Variants in TRHDE observed in about 807,000 individuals in gnomAD.
TRHDE encodes the protein thyrotropin-releasing hormone-degrading ectoenzyme.
A neutral mutation model predicts 125.7 loss-of-function variants in TRHDE; 72 were observed. That is an observed-to-expected ratio of 0.57 (90% CI 0.47 to 0.70). The LOEUF (loss-of-function observed/expected upper bound fraction) is 0.70, where lower values mean the gene tolerates loss of function less well. TRHDE is among the 30% of genes least tolerant of loss of function. TRHDE has a pLI of 0.00. For synonymous variants in TRHDE, 509 were observed against 509.1 expected, an observed-to-expected ratio of 1.00 and a Z score of 0.00; for missense variants, 1,110 against 1,327.1, an observed-to-expected ratio of 0.84 and a Z score of 2.54.
intron 2 of TRHDE, among the ~76,000 whole-genome samples, chr12:72,115,656 A>G (rs1875426380): frequency 6.6e-6 from 1 of 152,144 alleles, no homozygotes; most frequent in Admixed American, 6.6e-5. Flanking sequence ...ACTAATTTAT[A>G]TTCCCACCAA....
chr12:72,576,324 AG>A (rs919776465), intron 12 of TRHDE, among the ~76,000 whole-genome samples: 4 of 152,162 alleles, frequency 2.6e-5, no homozygotes, highest in African/African-American at 9.7e-5. Flanking sequence ...TAAGATAATC[AG>A]GGGAAACTGG....
At chr12:72,525,163 A>G (rs1308212796) in intron 6 of TRHDE, among the ~76,000 whole-genome samples, 2 of 152,190 alleles carry the variant, frequency 1.3e-5, no homozygotes, top group South Asian at 2.1e-4. Flanking sequence ...CCCTGTGAAC[A>G]AAAGTGTACT....
chr12:72,444,964 T>G (rs1875204063), intron 3 of TRHDE, among the ~76,000 whole-genome samples: 1 of 151,904 alleles, frequency 6.6e-6, no homozygotes, highest in Admixed American at 6.6e-5. Flanking sequence ...AGATGTGTAT[T>G]TTGACTTTCA....
chr12:72,520,858 A>G (rs976635696), intron 6 of TRHDE, among the ~76,000 whole-genome samples: 2 of 152,258 alleles, frequency 1.3e-5, no homozygotes, highest in Non-Finnish European at 2.9e-5. Context: ...AAAAGCTTGA[A>G]TGAGATAAAA....
At chr12:72,307,738 A>G (rs1199427300) in intron 2 of TRHDE, among the ~76,000 whole-genome samples, 1 of 152,204 alleles carries the variant, frequency 6.6e-6, no homozygotes, top group Non-Finnish European at 1.5e-5. Context: ...TATACAGGGA[A>G]CAGCTGAGCT....
Position 72,430,381 on chromosome 12 carries a change from A to ATG in TRHDE, c.1316-39375_1316-39374dup, listed in dbSNP as rs1491528624. Reference sequence around the variant, plus strand: ...TATATACATATATACGTATATATACATGTATATATATACACACACGTATAT... The same window carrying ATG: ...TATATACATATATACGTATATATACATGTGTATATATATACACACACGTATAT... On this transcript the variant is annotated intron_variant, in intron 3 of 18. Transcript: ENST00000261180. Among the ~76,000 whole-genome samples the ATG allele has an allele frequency of 2.1e-5, 3 of 143,890 alleles. No individual in the cohort carries two copies. In the East Asian group the frequency reaches 5.9e-4, roughly 28 times the overall value. The allele number at this position is 143,890 out of a possible 152,430, so 94.4% of individuals were successfully genotyped here.
chr12:72,416,479 G>C (rs1592429015), intron 3 of TRHDE, among the ~76,000 whole-genome samples: 1 of 151,948 alleles, frequency 6.6e-6, no homozygotes, highest in African/African-American at 2.4e-5. Flanking sequence ...GTCCTGGAGA[G>C]TTTCCCCAAT....
chr12:72,617,618 CA>C (rs1255341646), intron 12 of TRHDE, among the ~76,000 whole-genome samples: 18 of 139,196 alleles, frequency 1.3e-4, no homozygotes, highest in Middle Eastern at 7.0e-3. Context: ...TAACAGTCTG[CA>C]TTCAGTTGAT....
At chr12:72,633,410 C>T (rs1478594976) in intron 15 of TRHDE, among the ~76,000 whole-genome samples, 1 of 152,078 alleles carries the variant, frequency 6.6e-6, no homozygotes, top group African/African-American at 2.4e-5. Context: ...TTCTCCAATG[C>T]TATTCTTTTG....
At chr12:72,212,189 T>C (rs1700038839) in intron 2 of TRHDE, among the ~76,000 whole-genome samples, 1 of 152,124 alleles carries the variant, frequency 6.6e-6, no homozygotes, top group Non-Finnish European at 1.5e-5. Context: ...CATGTATTCA[T>C]TGGCTTAGAA....
chr12:72,380,505 A>G (rs569162241), intron 3 of TRHDE, among the ~76,000 whole-genome samples: 25 of 152,302 alleles, frequency 1.6e-4, no homozygotes, highest in Non-Finnish European at 2.9e-4. Flanking sequence ...AACTCAGCAG[A>G]TATCATGGGG....
intron 3 of TRHDE, among the ~76,000 whole-genome samples, chr12:72,428,330 T>C (rs181980191): frequency 6.6e-5 from 10 of 152,224 alleles, no homozygotes; most frequent in Admixed American, 6.6e-4. Context: ...TTGTAAGCAA[T>C]GTGATGGTGA....
intron 2 of TRHDE, among the ~76,000 whole-genome samples, chr12:72,250,837 G>GATATATATATATATATATATAT (rs376713479): frequency 0.011 from 1,276 of 117,464 alleles, 11 homozygotes; most frequent in Middle Eastern, 0.015. Flanking sequence ...ATGACTTACA[G>GATATATATATATATATATATAT]ATATATATAT....
chr12:72,382,472 C>T (rs1170123031), intron 3 of TRHDE, among the ~76,000 whole-genome samples: 2 of 152,118 alleles, frequency 1.3e-5, no homozygotes, highest in African/African-American at 2.4e-5. Flanking sequence ...CAATACCCAT[C>T]TCTGGAGAAG....
At chr12:72,416,081 T>G (rs1219058263) in intron 3 of TRHDE, among the ~76,000 whole-genome samples, 1 of 152,036 alleles carries the variant, frequency 6.6e-6, no homozygotes, top group Non-Finnish European at 1.5e-5. Flanking sequence ...TGTTATTGCC[T>G]GTTTTTTTTA....
chr12:72,287,101 A>G (rs1225570828), intron 2 of TRHDE, 147 bp downstream of exon 2: 5 of 899,282 alleles, frequency 5.6e-6, no homozygotes, highest in South Asian at 1.9e-5. Context: ...GGGTTTTTAC[A>G]TATTTTACTA....
chr12:72,526,273 T>G (rs1366374261), intron 6 of TRHDE, among the ~76,000 whole-genome samples: 3 of 152,116 alleles, frequency 2.0e-5, no homozygotes, highest in Admixed American at 2.0e-4. Flanking sequence ...ATACATGTAT[T>G]CTACTGTTGT....
chr12:72,497,456 T>C (rs1476303601), intron 5 of TRHDE, among the ~76,000 whole-genome samples: 1 of 152,160 alleles, frequency 6.6e-6, no homozygotes, highest in African/African-American at 2.4e-5. Context: ...TAAAGCATCA[T>C]TTTAAGTTCA....
chr12:72,318,870 A>G (rs571491058), intron 2 of TRHDE, among the ~76,000 whole-genome samples: 1 of 152,254 alleles, frequency 6.6e-6, no homozygotes, highest in East Asian at 1.9e-4. Flanking sequence ...TGGTTACTCT[A>G]TCGGACTGGG....
Sources: gnomAD v4.1 joint callset for allele counts (sites outside exome capture counted in the v4.1 genomes callset) on GRCh38, gnomAD v4.1.1 for gene constraint, MANE v1.5 for transcripts, NCBI Gene and HGNC (gene_info 2026-07-23, HGNC 2026-07-21) for gene names.